SLIT2: variants seen among roughly 807,000 people sequenced by gnomAD.
The protein encoded by SLIT2 is slit homolog 2 protein.
SLIT2 carries 41 observed loss-of-function variants against 185.7 expected under a neutral mutation model. The observed-to-expected ratio is 0.22, with a 90% confidence interval of 0.17 to 0.29. The LOEUF is 0.29. Among genes scored for constraint, SLIT2 ranks in the 10% least tolerant of loss-of-function variants. The pLI is 1.00. For missense variants in SLIT2, 1,571 were observed against 1,909.0 expected (o/e 0.82, Z 3.30); for synonymous variants, 693 against 680.2 (o/e 1.02, Z -0.29).
intron 4 of SLIT2, among the ~76,000 whole-genome samples, chr4:20,312,670 G>A (rs1250430513): frequency 6.6e-6 from 1 of 150,908 alleles, no homozygotes; most frequent in African/African-American, 2.4e-5. Context: ...CTACTTGGGA[G>A]GCTGAGGCAG....
intron 11 of SLIT2, among the ~76,000 whole-genome samples, chr4:20,513,379 G>C (rs544976725): frequency 6.6e-6 from 1 of 152,290 alleles, no homozygotes; most frequent in African/African-American, 2.4e-5. Flanking sequence ...GTTATAACAC[G>C]TATCATTTTC....
intron 26 of SLIT2, among the ~76,000 whole-genome samples, chr4:20,559,878 G>A (rs1457948615): frequency 6.6e-6 from 1 of 151,640 alleles, no homozygotes; most frequent in Non-Finnish European, 1.5e-5. Context: ...CCCTATTATT[G>A]AAACATACTT....
chr4:20,293,417 G>A (rs1716160892), intron 4 of SLIT2, among the ~76,000 whole-genome samples: 1 of 152,198 alleles, frequency 6.6e-6, no homozygotes, highest in Non-Finnish European at 1.5e-5. Context: ...GCAATGAATA[G>A]CTGTTGTATA....
chr4:20,437,784 G>A (rs558544152), intron 4 of SLIT2, among the ~76,000 whole-genome samples: 47 of 151,648 alleles, frequency 3.1e-4, no homozygotes, highest in African/African-American at 1.1e-3. Context: ...GCATGGTGGC[G>A]GGCACCTGTA....
chr4:20,475,934 A>G (rs927436125), intron 5 of SLIT2, among the ~76,000 whole-genome samples: 1 of 152,168 alleles, frequency 6.6e-6, no homozygotes, highest in Non-Finnish European at 1.5e-5. Flanking sequence ...CCTGTGAGAA[A>G]AGCAAATTGT....
intron 4 of SLIT2, among the ~76,000 whole-genome samples, chr4:20,422,648 G>T (rs1352363478): frequency 6.6e-6 from 1 of 152,120 alleles, no homozygotes; most frequent in Admixed American, 6.5e-5. Context: ...CTTTCAGATG[G>T]TCTGATCAGG....
intron 4 of SLIT2, among the ~76,000 whole-genome samples, chr4:20,453,118 T>C (rs1344294105): frequency 6.6e-6 from 1 of 152,252 alleles, no homozygotes; most frequent in East Asian, 1.9e-4. Flanking sequence ...TCAAAAATTA[T>C]AATATGACTT....
intron 5 of SLIT2, among the ~76,000 whole-genome samples, chr4:20,472,368 ATCTATATCTATATATATG>A (rs1715317886): frequency 3.4e-5 from 1 of 29,422 alleles, no homozygotes; most frequent in African/African-American, 1.8e-4. Flanking sequence ...CTATATAGAT[ATCTATATCTATATATATG>A]TAGATATATA....
intron 4 of SLIT2, among the ~76,000 whole-genome samples, chr4:20,297,437 G>A (rs553119165): frequency 2.6e-5 from 4 of 152,246 alleles, no homozygotes; most frequent in African/African-American, 9.6e-5. Flanking sequence ...CCACTTGAAT[G>A]CTAAGAACTT....
chr4:20,324,700 T>C (rs1173154360), intron 4 of SLIT2, among the ~76,000 whole-genome samples: 2 of 152,154 alleles, frequency 1.3e-5, no homozygotes, highest in Admixed American at 6.5e-5. Context: ...ATTTAACCAT[T>C]CCATAATATA....
chr4:20,614,080 G>T (rs1729451451), intron 34 of SLIT2, among the ~76,000 whole-genome samples: 1 of 151,896 alleles, frequency 6.6e-6, no homozygotes, highest in Admixed American at 6.6e-5. Flanking sequence ...ATCATGTTTG[G>T]CAGGCTGGTC....
chr4:20,273,600 C>T (rs1169739471), intron 4 of SLIT2, among the ~76,000 whole-genome samples: 1 of 151,792 alleles, frequency 6.6e-6, no homozygotes, highest in Non-Finnish European at 1.5e-5. Flanking sequence ...TGTTTGATTC[C>T]CCTAGGTTTC....
At chr4:20,479,974 A>C (rs1232854815) in intron 5 of SLIT2, among the ~76,000 whole-genome samples, 3 of 152,218 alleles carry the variant, frequency 2.0e-5, no homozygotes, top group African/African-American at 7.2e-5. Context: ...AAAAAGCAAA[A>C]TTGTTATTTA....
intron 11 of SLIT2, among the ~76,000 whole-genome samples, chr4:20,518,566 T>TATATATATATATATAC: frequency 7.1e-5 from 1 of 14,004 alleles, no homozygotes; most frequent in Non-Finnish European, 1.3e-4. Flanking sequence ...TGTATATATA[T>TATATATATATATATAC]ATATATATAT....
chr4:20,614,398 A>G (rs1199150667), intron 34 of SLIT2, among the ~76,000 whole-genome samples: 1 of 152,086 alleles, frequency 6.6e-6, no homozygotes, highest in Non-Finnish European at 1.5e-5. Context: ...CTGTTTGCTA[A>G]GTTATCTGTT....
At chr4:20,385,923 T>C (rs1309266208) in intron 4 of SLIT2, among the ~76,000 whole-genome samples, 1 of 152,166 alleles carries the variant, frequency 6.6e-6, no homozygotes, top group African/African-American at 2.4e-5. Context: ...GTAATTCTCT[T>C]CTTTGATAAC....
At position 20,491,828 on chromosome 4, in the gene SLIT2, C is replaced by A. The variant is rs775492320; in HGVS notation, c.843C>A (p.Asn281Lys). Residue 281 changes from asparagine (N) to lysine (K), a missense_variant, in exon 9 of 37, where the codon AAC (asparagine) becomes AAA (lysine). Transcript: ENST00000504154. ...GCCCTGCCGCCTGTACCTGTAGCAA[C>A]AATATCGTAGACTGTCGTGGGAAAG... Reference protein sequence around the residue: ...LHCPAACTCSNNIVDCRGKGL... With the variant: ...LHCPAACTCSKNIVDCRGKGL... 1.9e-5 allele frequency: 30 copies of A among 1,613,824 alleles called. No individual in the cohort carries two copies. Among genetic ancestry groups the A allele is most frequent in the Non-Finnish European group, 2.5e-5 (30 of 1,179,880 alleles).
At chr4:20,480,565 G>T (rs779375815) in intron 5 of SLIT2, 151 bp from the exon 6 acceptor site, 3 of 554,260 alleles carry the variant, frequency 5.4e-6, no homozygotes. Flanking sequence ...AGGCGAGAAT[G>T]GCTTATGACA....
At chr4:20,529,346 C>T (rs1186787308) in intron 16 of SLIT2, among the ~76,000 whole-genome samples, 4 of 152,130 alleles carry the variant, frequency 2.6e-5, no homozygotes, top group African/African-American at 7.2e-5. Context: ...GCACTTCATA[C>T]TAATAACAAT....
Sources: gnomAD v4.1 joint callset for allele counts (sites outside exome capture counted in the v4.1 genomes callset) on GRCh38, gnomAD v4.1.1 for gene constraint, MANE v1.5 for transcripts, NCBI Gene and HGNC (gene_info 2026-07-23, HGNC 2026-07-21) for gene names.